ANGPT2: variants seen among roughly 807,000 people sequenced by gnomAD.
The protein encoded by ANGPT2 is angiopoietin-2.
A neutral mutation model predicts 62.9 loss-of-function variants in ANGPT2; 28 were observed. That is an observed-to-expected ratio of 0.44 (90% confidence interval 0.33 to 0.61). ANGPT2 has a LOEUF of 0.61. Ranked by LOEUF, ANGPT2 falls within the 20% of genes least tolerant of loss-of-function variation. The probability of loss-of-function intolerance (pLI) is 0.03; values close to 1 mark genes in which losing one functional copy is unlikely to be tolerated. For missense variants in ANGPT2, 727 were observed against 594.9 expected, an observed-to-expected ratio of 1.22 and a Z score of -2.31; for synonymous variants, 284 against 207.8, an observed-to-expected ratio of 1.37 and a Z score of -3.15.
rs1050776497 is a variant in ANGPT2 at position 6,520,606 on chromosome 8, C to T, written c.799+572G>A. ...AGACAGGATTTCACCATGTTGGCCACGCTGGTCTCCAACTCCTGTCCTCAA... is the reference window on the plus strand; with the variant it reads ...AGACAGGATTTCACCATGTTGGCCATGCTGGTCTCCAACTCCTGTCCTCAA... On this transcript the variant is annotated intron_variant, in intron 4 of 8. Coordinates refer to ENST00000629816, the MANE Select transcript of ANGPT2 (RefSeq NM_001118887.2). 4.4e-4 allele frequency among the ~76,000 whole-genome samples: 67 copies of T among 152,202 alleles called. No individual in the cohort carries two copies. The Middle Eastern group carries it at 0.01, about 23-fold the overall frequency.
chr8:6,529,285 A>G (rs916283075), intron 2 of ANGPT2, among the ~76,000 whole-genome samples: 2 of 152,088 alleles, frequency 1.3e-5, no homozygotes, highest in Non-Finnish European at 2.9e-5. Context: ...GCTCAATTTG[A>G]TCGTCTCTCA....
chr8:6,504,146 G>C (rs1334269763), intron 8 of ANGPT2, among the ~76,000 whole-genome samples: 1 of 151,812 alleles, frequency 6.6e-6, no homozygotes, highest in South Asian at 2.1e-4. Context: ...GTGAAACCCC[G>C]TCTCTACTAA....
intron 1 of ANGPT2, among the ~76,000 whole-genome samples, chr8:6,538,034 T>A (rs1034178467): frequency 6.6e-6 from 1 of 152,190 alleles, no homozygotes; most frequent in Non-Finnish European, 1.5e-5. Flanking sequence ...TGAGATTTCC[T>A]TGGAAACTTT....
chr8:6,542,537 C>T (rs1398530438), intron 1 of ANGPT2, among the ~76,000 whole-genome samples: 1 of 152,000 alleles, frequency 6.6e-6, no homozygotes, highest in Non-Finnish European at 1.5e-5. Flanking sequence ...TAACTTAAAC[C>T]CTGGTCTCCC....
At position 6,541,433 on chromosome 8, in the gene ANGPT2, C is replaced by T. The variant is rs560659514; in HGVS notation, c.289-8946G>A. On this transcript the variant is annotated intron_variant, in intron 1 of 8. Transcript: ENST00000629816. ...AGGAGAGGAGAGGAAAAGCAGTGCT[C>T]TGAGAAAGACAATATTTCTAGTAGA... 1.2e-4 allele frequency among the ~76,000 whole-genome samples: 18 copies of T among 152,206 alleles called. No individual in the cohort carries two copies. The South Asian group carries it at 3.5e-3, about 30-fold the overall frequency.
intron 1 of ANGPT2, among the ~76,000 whole-genome samples, chr8:6,540,075 G>A (rs543503756): frequency 8.5e-5 from 13 of 152,288 alleles, no homozygotes; most frequent in East Asian, 1.9e-4. Flanking sequence ...CTCCTCCTGT[G>A]GATAGGTACA....
chr8:6,555,613 C>T (rs1396510835), intron 1 of ANGPT2, among the ~76,000 whole-genome samples: 1 of 151,946 alleles, frequency 6.6e-6, no homozygotes, highest in Non-Finnish European at 1.5e-5. Context: ...AGGCATGTAC[C>T]ACCACGCCTG....
intron 8 of ANGPT2, 102 bp downstream of exon 8, chr8:6,508,830 G>A (rs778443260): frequency 8.6e-6 from 13 of 1,510,034 alleles, no homozygotes; most frequent in Non-Finnish European, 1.1e-5. Flanking sequence ...TGAAATTGTG[G>A]ACATCGTTAC....
chr8:6,537,330 G>A (rs1820681212), intron 1 of ANGPT2, among the ~76,000 whole-genome samples: 1 of 152,092 alleles, frequency 6.6e-6, no homozygotes, highest in Non-Finnish European at 1.5e-5. Flanking sequence ...GGTTGACACA[G>A]TCGGCAAAGT....
At chr8:6,552,937 G>A (rs1563115123) in intron 1 of ANGPT2, among the ~76,000 whole-genome samples, 1 of 152,170 alleles carries the variant, frequency 6.6e-6, no homozygotes, top group Non-Finnish European at 1.5e-5. Flanking sequence ...AAGGATCAGG[G>A]TTTGCCAGGG....
intron 5 of ANGPT2, among the ~76,000 whole-genome samples, chr8:6,515,056 A>G (rs944082269): frequency 1.9e-4 from 29 of 151,780 alleles, no homozygotes; most frequent in African/African-American, 7.0e-4. Flanking sequence ...CAGGCTAAAG[A>G]CCCCACCCTG....
chr8:6,529,327 T>C (rs1819000304), intron 2 of ANGPT2, among the ~76,000 whole-genome samples: 1 of 152,206 alleles, frequency 6.6e-6, no homozygotes, highest in African/African-American at 2.4e-5. Flanking sequence ...TTGCTTCTAA[T>C]CAGAAATTTT....
At chr8:6,554,572 T>G (rs1824257593) in intron 1 of ANGPT2, among the ~76,000 whole-genome samples, 1 of 152,252 alleles carries the variant, frequency 6.6e-6, no homozygotes, top group Non-Finnish European at 1.5e-5. Flanking sequence ...TGTATATTTT[T>G]AATTTGGTTG....
chr8:6,518,386 G>T (rs974246269), intron 5 of ANGPT2, among the ~76,000 whole-genome samples: 1 of 152,228 alleles, frequency 6.6e-6, no homozygotes, highest in African/African-American at 2.4e-5. Flanking sequence ...AGCAGACTGT[G>T]TTGTTTGTGG....
intron 8 of ANGPT2, 133 bp from the exon 9 acceptor site, chr8:6,503,394 A>T: frequency 1.2e-6 from 1 of 840,254 alleles, no homozygotes; most frequent in Non-Finnish European, 1.9e-6. Flanking sequence ...GATGGTGAGT[A>T]TAGGATGTGC....
intron 1 of ANGPT2, 27 bp from the exon 2 acceptor site, chr8:6,532,514 G>C: frequency 1.3e-6 from 2 of 1,537,880 alleles, no homozygotes; most frequent in Non-Finnish European, 1.8e-6. Context: ...TTAGAAGGCA[G>C]TCATTAGTCA....
chr8:6,529,566 C>A (rs1440357375), intron 2 of ANGPT2, among the ~76,000 whole-genome samples: 2 of 151,412 alleles, frequency 1.3e-5, no homozygotes, highest in African/African-American at 4.9e-5. Context: ...CTTCTTGTAA[C>A]CTCACTAAGC....
chr8:6,561,335 C>A (rs1183029736), intron 1 of ANGPT2, among the ~76,000 whole-genome samples: 6 of 152,156 alleles, frequency 3.9e-5, no homozygotes, highest in African/African-American at 1.4e-4. Context: ...TTAAATGACT[C>A]CTCTTGACAC....
intron 3 of ANGPT2, among the ~76,000 whole-genome samples, chr8:6,526,163 T>C (rs1214277395): frequency 2.7e-5 from 4 of 149,138 alleles, no homozygotes; most frequent in Admixed American, 6.9e-5. Context: ...CTCATGCCTG[T>C]AATCCCAGCA....
Sources: gnomAD v4.1 joint callset for allele counts (sites outside exome capture counted in the v4.1 genomes callset) on GRCh38, gnomAD v4.1.1 for gene constraint, MANE v1.5 for transcripts, NCBI Gene and HGNC (gene_info 2026-07-23, HGNC 2026-07-21) for gene names.